The following SYNGR1 variants were observed in gnomAD, a reference collection of about 807,000 sequenced individuals.
SYNGR1 encodes synaptogyrin-1.
In SYNGR1, 14 loss-of-function variants were observed where a neutral mutation model predicts 26.1. That is an observed-to-expected ratio of 0.54 (90% CI 0.35 to 0.84). SYNGR1 has a LOEUF of 0.84. Ranked by LOEUF, SYNGR1 falls within the 40% of genes least tolerant of loss-of-function variation. The pLI is 0.01. For missense variants in SYNGR1, 319 were observed against 332.9 expected, an observed-to-expected ratio of 0.96 and a Z score of 0.33; for synonymous variants, 141 against 150.1, an observed-to-expected ratio of 0.94 and a Z score of 0.44.
At chr22:39,360,706 G>A (rs1237783307) in intron 1 of SYNGR1, among the ~76,000 whole-genome samples, 1 of 152,150 alleles carries the variant, frequency 6.6e-6, no homozygotes, top group African/African-American at 2.4e-5. Flanking sequence ...GAAATGTGGT[G>A]GAAACCAGTT....
At position 39,381,897 on chromosome 22, in the gene SYNGR1, C is replaced by G. The variant is rs751022013; in HGVS notation, c.685C>G (p.Gln229Glu). Residue 229 changes from glutamine (Q) to glutamate (E), a missense_variant, in exon 4 of 4, where the codon CAG becomes GAG. Coordinates refer to ENST00000328933, the MANE Select transcript of SYNGR1 (RefSeq NM_004711.5). ...NTFDTEPQGYQSQGY is the reference protein window; with the variant it reads ...NTFDTEPQGYESQGY ...CTTCGACACCGAGCCCCAGGGCTACCAGTCGCAGGGCTACTGAGCCACAGT... is the reference window on the plus strand; with the variant it reads ...CTTCGACACCGAGCCCCAGGGCTACGAGTCGCAGGGCTACTGAGCCACAGT... The G allele has an allele frequency of 1.2e-6, 2 of 1,612,060 alleles. No homozygotes were observed.
chr22:39,365,412 G>A (rs1164600316), intron 1 of SYNGR1, among the ~76,000 whole-genome samples: 3 of 152,146 alleles, frequency 2.0e-5, no homozygotes, highest in Non-Finnish European at 1.5e-5. Context: ...CCCTAGAAGC[G>A]GCTCTGAAAT....
intron 1 of SYNGR1, among the ~76,000 whole-genome samples, chr22:39,361,057 C>T (rs1369530432): frequency 2.6e-5 from 4 of 152,212 alleles, no homozygotes. Context: ...TAGGGCCCTG[C>T]TCAAATATCA....
chr22:39,350,146 G>T lies in SYNGR1; in HGVS notation c.99+37G>T. On this transcript the variant is annotated intron_variant, in intron 1 of 3. Coordinates refer to ENST00000328933, the MANE Select transcript of SYNGR1 (RefSeq NM_004711.5). The surrounding 1 kb of genome is among the most constrained non-coding windows in gnomAD (Gnocchi z 4.3). ...CTGGCCGACGGCTCTGCCAGGCCGG[G>T]GTGGTGGGGGTGTGAGCAAAGGCGG... 7.4e-7 allele frequency: 1 copy of T among 1,352,072 alleles called. No individual in the cohort carries two copies. The highest frequency in any genetic ancestry group is 9.7e-7 in the Non-Finnish European group (1 of 1,028,874). 83.8% of individuals were successfully genotyped at this position (1,352,072 alleles called of 1,614,324 possible).
At chr22:39,370,096 T>C (rs1924950652) in intron 1 of SYNGR1, among the ~76,000 whole-genome samples, 1 of 152,082 alleles carries the variant, frequency 6.6e-6, no homozygotes, top group Admixed American at 6.6e-5. Context: ...GTCCCCCAAG[T>C]AGCTGGGACC....
chr22:39,360,900 G>A (rs1028121104), intron 1 of SYNGR1, among the ~76,000 whole-genome samples: 6 of 152,236 alleles, frequency 3.9e-5, no homozygotes, highest in African/African-American at 9.6e-5. Context: ...TGTACGCTTG[G>A]AGGGCGAGAA....
chr22:39,350,048 G>T lies in SYNGR1; in HGVS notation c.38G>T (p.Gly13Val). ...GGAYGAGKAG[G>V]AFDPYTLVRQ... ...GCGTACGGAGCGGGCAAAGCCGGGG[G>T]CGCCTTCGACCCCTACACCCTGGTC... Residue 13 changes from glycine (G) to valine (V), a missense_variant, in exon 1 of 4, where the codon GGC (glycine) becomes GTC (valine). By Grantham distance (109) the Gly-to-Val change is moderately radical (BLOSUM62 -3). Transcript: ENST00000328933. This position sits in a 1 kb window ranked among gnomAD's most constrained non-coding sequence, Gnocchi z 4.3. 7.0e-7 allele frequency: 1 copy of T among 1,426,724 alleles called. No homozygotes were observed. The allele number at this position is 1,426,724 out of a possible 1,614,324, so 88.4% of individuals were successfully genotyped here. A position where few individuals can be genotyped will look rare whatever the true frequency, so the allele number is the denominator to read the frequency against.
At chr22:39,372,669 A>G (rs1165907469) in intron 1 of SYNGR1, among the ~76,000 whole-genome samples, 1 of 150,378 alleles carries the variant, frequency 6.6e-6, no homozygotes, top group Non-Finnish European at 1.5e-5. Context: ...GGGTTTCTCC[A>G]TGTTGGCTAG....
intron 3 of SYNGR1, among the ~76,000 whole-genome samples, chr22:39,381,259 C>T (rs1196702070): frequency 1.3e-5 from 2 of 152,174 alleles, no homozygotes; most frequent in East Asian, 1.9e-4. Flanking sequence ...TTGGCCAAAA[C>T]GTAGTCACAT....
rs535138773 is a variant in SYNGR1 at position 39,381,802 on chromosome 22, C to T, written c.590C>T (p.Ala197Val). The change falls in exon 4 of 4, where the codon GCG becomes GTG. Residue 197 changes from alanine (A) to valine (V), a missense_variant. Ala to Val is a moderately conservative substitution (Grantham distance 64, BLOSUM62 0). Coordinates refer to ENST00000328933, the MANE Select transcript of SYNGR1 (RefSeq NM_004711.5). ...DPSQDSSMPY[A>V]PYVEPTGPDP... ...AGCCAGGACTCCAGCATGCCTTACGCGCCCTACGTGGAGCCCACTGGGCCG... is the reference window on the plus strand; with the variant it reads ...AGCCAGGACTCCAGCATGCCTTACGTGCCCTACGTGGAGCCCACTGGGCCG... The T allele has an allele frequency of 4.0e-5, 62 of 1,548,728 alleles. No individual in the cohort carries two copies. The highest frequency in any genetic ancestry group is 3.4e-4 in the African/African-American group (17 of 49,690).
chr22:39,367,242 G>A (rs1364291319), intron 1 of SYNGR1, among the ~76,000 whole-genome samples: 1 of 152,246 alleles, frequency 6.6e-6, no homozygotes, highest in Non-Finnish European at 1.5e-5. Flanking sequence ...CTCAGGAAAT[G>A]TTGAGTGAAC....
chr22:39,374,581 GCA>G, intron 2 of SYNGR1, 28 bp downstream of exon 2: 1 of 1,610,264 alleles, frequency 6.2e-7, no homozygotes, highest in South Asian at 1.1e-5. Context: ...GGTACCCCCT[GCA>G]CAGAGTCTAC....
At chr22:39,363,128 C>T (rs1009510133) in intron 1 of SYNGR1, among the ~76,000 whole-genome samples, 2 of 151,984 alleles carry the variant, frequency 1.3e-5, no homozygotes, top group African/African-American at 4.8e-5. Context: ...GAGGAAAGAG[C>T]CGAGTGTGAA....
Position 39,375,590 on chromosome 22 carries a change from C to A in SYNGR1, c.338-462C>A, listed in dbSNP as rs148585347. The A allele has an allele frequency of 2.0e-3, 781 of 387,406 alleles. 7 individuals carry two copies. Among genetic ancestry groups the A allele is most frequent in the African/African-American group, 0.014 (691 of 49,188 alleles). The allele number at this position is 387,406 out of a possible 1,614,324, so 24.0% of individuals were successfully genotyped here. On this transcript the variant is annotated intron_variant, in intron 2 of 3. Coordinates refer to ENST00000328933, the MANE Select transcript of SYNGR1 (RefSeq NM_004711.5). ...CCTTGCCCCAGCCTCGTCCTCCTTCCCATACCTCATTTGTCTGGCAGCCTG... is the reference window on the plus strand; with the variant it reads ...CCTTGCCCCAGCCTCGTCCTCCTTCACATACCTCATTTGTCTGGCAGCCTG...
At chr22:39,370,253 C>T (rs1478012695) in intron 1 of SYNGR1, among the ~76,000 whole-genome samples, 1 of 151,840 alleles carries the variant, frequency 6.6e-6, no homozygotes, top group African/African-American at 2.4e-5. Flanking sequence ...GCCTCAGCCT[C>T]CTGAGTAGCT....
At position 39,350,127 on chromosome 22, in the gene SYNGR1, G is replaced by A. The variant is rs775201420; in HGVS notation, c.99+18G>A. The A allele has an allele frequency of 4.3e-6, 6 of 1,407,716 alleles. No individual in the cohort carries two copies. The highest frequency in any genetic ancestry group is 6.5e-5 in the East Asian group (2 of 30,720). The allele number at this position is 1,407,716 out of a possible 1,614,324, so 87.2% of individuals were successfully genotyped here. A position where few individuals can be genotyped will look rare whatever the true frequency, so the allele number is the denominator to read the frequency against. Reference sequence around the variant, plus strand: ...TGTCTTGGGTAAGGACGGACTGGCCGACGGCTCTGCCAGGCCGGGGTGGTG... The same window carrying A: ...TGTCTTGGGTAAGGACGGACTGGCCAACGGCTCTGCCAGGCCGGGGTGGTG... On this transcript the variant is annotated intron_variant, in intron 1 of 3. Transcript: ENST00000328933. This position sits in a 1 kb window ranked among gnomAD's most constrained non-coding sequence, Gnocchi z 4.3.
At chr22:39,377,374 C>T (rs1925330072) in intron 3 of SYNGR1, 1 of 985,422 alleles carries the variant, frequency 1.0e-6, no homozygotes, top group East Asian at 1.1e-4. Context: ...AACCAGGTGA[C>T]CCCAGGGGAT....
intron 1 of SYNGR1, among the ~76,000 whole-genome samples, chr22:39,369,675 G>C (rs1169545734): frequency 2.0e-5 from 3 of 152,208 alleles, no homozygotes; most frequent in Admixed American, 2.0e-4. Flanking sequence ...CTGAGCCTTA[G>C]TTTTTCTACT....
At chr22:39,372,388 C>A (rs990284896) in intron 1 of SYNGR1, among the ~76,000 whole-genome samples, 1 of 150,944 alleles carries the variant, frequency 6.6e-6, no homozygotes, top group African/African-American at 2.4e-5. Context: ...ACCTCAGCCT[C>A]CCAAAGTGCT....
Sources: allele counts gnomAD v4.1 joint callset (sites outside exome capture counted in the v4.1 genomes callset), GRCh38; gene constraint gnomAD v4.1.1; non-coding constraint Gnocchi (gnomAD v3.1); transcripts MANE v1.5; gene names NCBI Gene and HGNC (gene_info 2026-07-23, HGNC 2026-07-21).